CHN2: variants seen among roughly 807,000 people sequenced by gnomAD.
The protein encoded by CHN2 is beta-chimaerin.
CHN2 carries 35 observed loss-of-function variants against 56.3 expected under a neutral mutation model. The ratio of observed to expected loss-of-function variants is 0.62; its 90% CI spans 0.47 to 0.82. The LOEUF (loss-of-function observed/expected upper bound fraction) is 0.82, where lower values mean the gene tolerates loss of function less well. Ranked by LOEUF, CHN2 falls within the 40% of genes least tolerant of loss-of-function variation. The pLI is 0.00. For synonymous variants in CHN2, 210 were observed against 212.8 expected (o/e 0.99, Z 0.12); for missense variants, 491 against 580.5 (o/e 0.85, Z 1.58).
intron 4 of CHN2, chr7:29,398,106 T>G: frequency 3.4e-6 from 1 of 293,712 alleles, no homozygotes; most frequent in East Asian, 5.9e-5. Context: ...TGTTTCAACT[T>G]TCATTTTCAA....
intron 1 of CHN2, among the ~76,000 whole-genome samples, chr7:29,213,579 G>A (rs766178807): frequency 2.0e-5 from 3 of 152,160 alleles, no homozygotes; most frequent in Admixed American, 6.6e-5. Context: ...TTTGTGTGAT[G>A]AAGGCATATT....
At chr7:29,153,590 CAG>C (rs1371818840) in intron 2 of CHN2, among the ~76,000 whole-genome samples, 1 of 152,080 alleles carries the variant, frequency 6.6e-6, no homozygotes, top group Non-Finnish European at 1.5e-5. Context: ...TTCTTTTAGA[CAG>C]AGTCTCACTC....
intron 6 of CHN2, among the ~76,000 whole-genome samples, chr7:29,412,089 C>G (rs1803269877): frequency 6.6e-6 from 1 of 152,138 alleles, no homozygotes; most frequent in African/African-American, 2.4e-5. Flanking sequence ...ATAATCCACA[C>G]TACCCTTCTT....
chr7:29,321,496 G>A (rs545541685), intron 1 of CHN2, among the ~76,000 whole-genome samples: 30 of 152,160 alleles, frequency 2.0e-4, no homozygotes, highest in Non-Finnish European at 3.7e-4. Flanking sequence ...TAGTAGAGCT[G>A]GGATTTGAAC....
At chr7:29,467,152 T>C (rs1235174666) in intron 6 of CHN2, among the ~76,000 whole-genome samples, 1 of 152,234 alleles carries the variant, frequency 6.6e-6, no homozygotes, top group East Asian at 1.9e-4. Flanking sequence ...GCACAATATA[T>C]TCCATTTTTC....
At chr7:29,312,991 A>T (rs1277857347) in intron 1 of CHN2, among the ~76,000 whole-genome samples, 1 of 152,112 alleles carries the variant, frequency 6.6e-6, no homozygotes, top group South Asian at 2.1e-4. Context: ...AAGCCTCTGC[A>T]TTTATCAGTA....
chr7:29,319,592 G>A (rs1795197012), intron 1 of CHN2, among the ~76,000 whole-genome samples: 1 of 152,176 alleles, frequency 6.6e-6, no homozygotes, highest in Admixed American at 6.5e-5. Flanking sequence ...TTTGATATAA[G>A]GTCAAAGGGT....
rs568131060 is a variant in CHN2 at position 29,175,533 on chromosome 7, C to G, written c.274+28573C>G. On this transcript the variant is annotated intron_variant, in intron 2 of 6. Coordinates refer to the CHN2 transcript ENST00000439384. ...TTCACTTGGCTCTCATACTCTCTTG[C>G]CTGCCGCCATGTAAGACATTCCTTG... Among the ~76,000 whole-genome samples the G allele has an allele frequency of 1.2e-4, 18 of 152,182 alleles. No homozygotes were observed. In the South Asian group the frequency reaches 3.1e-3, roughly 26 times the overall value.
intron 1 of CHN2, among the ~76,000 whole-genome samples, chr7:29,241,097 G>T (rs1443254918): frequency 6.6e-6 from 1 of 152,066 alleles, no homozygotes. Flanking sequence ...TGTTGGCCAG[G>T]CTGATCTTGA....
intron 6 of CHN2, among the ~76,000 whole-genome samples, chr7:29,470,681 T>A (rs773069086): frequency 3.9e-5 from 6 of 152,236 alleles, no homozygotes; most frequent in Non-Finnish European, 7.3e-5. Flanking sequence ...TGCCATAATT[T>A]GGACAAGAAA....
At chr7:29,340,676 A>G (rs1407661008) in intron 1 of CHN2, among the ~76,000 whole-genome samples, 2 of 152,192 alleles carry the variant, frequency 1.3e-5, no homozygotes, top group Non-Finnish European at 2.9e-5. Context: ...CCCCAGGGAG[A>G]AAATATAGGA....
At chr7:29,230,530 G>A (rs1310636643) in intron 1 of CHN2, among the ~76,000 whole-genome samples, 4 of 152,086 alleles carry the variant, frequency 2.6e-5, no homozygotes, top group Admixed American at 2.0e-4. Context: ...TAGTAGAGAC[G>A]GAGTTTCACC....
At chr7:29,403,814 C>A (rs1802420958) in intron 6 of CHN2, among the ~76,000 whole-genome samples, 1 of 152,230 alleles carries the variant, frequency 6.6e-6, no homozygotes, top group African/African-American at 2.4e-5. Flanking sequence ...AGTGTCATTT[C>A]TTCTATGAAA....
At chr7:29,310,869 T>C (rs1794547696) in intron 1 of CHN2, among the ~76,000 whole-genome samples, 1 of 152,144 alleles carries the variant, frequency 6.6e-6, no homozygotes. Flanking sequence ...CACCATCACA[T>C]TGGAGGTTAG....
intron 1 of CHN2, among the ~76,000 whole-genome samples, chr7:29,300,273 T>G (rs1793556431): frequency 6.6e-6 from 1 of 152,122 alleles, no homozygotes; most frequent in South Asian, 2.1e-4. Context: ...AATGAGGTGT[T>G]GAAGCCTTCA....
chr7:29,429,365 A>G (rs1805188540), intron 6 of CHN2, among the ~76,000 whole-genome samples: 1 of 152,254 alleles, frequency 6.6e-6, no homozygotes, highest in South Asian at 2.1e-4. Context: ...GAAATAGTCT[A>G]TAAACATTTC....
At chr7:29,164,954 A>G (rs1224502771) in intron 2 of CHN2, among the ~76,000 whole-genome samples, 2 of 152,166 alleles carry the variant, frequency 1.3e-5, no homozygotes, top group Non-Finnish European at 2.9e-5. Flanking sequence ...CCATAGCTCC[A>G]TGATAAACCC....
chr7:29,240,359 A>T (rs1041442915), intron 1 of CHN2, among the ~76,000 whole-genome samples: 2 of 152,022 alleles, frequency 1.3e-5, no homozygotes, highest in Admixed American at 1.3e-4. Context: ...ATGAGTATTG[A>T]CTCCATCTCT....
intron 11 of CHN2, among the ~76,000 whole-genome samples, chr7:29,508,735 T>C (rs1790916282): frequency 6.6e-6 from 1 of 152,196 alleles, no homozygotes; most frequent in African/African-American, 2.4e-5. Context: ...TGTTAATGTG[T>C]CCAGTCTCCA....
Sources: gnomAD v4.1 joint callset for allele counts (sites outside exome capture counted in the v4.1 genomes callset) on GRCh38, gnomAD v4.1.1 for gene constraint, MANE v1.5 for transcripts, NCBI Gene and HGNC (gene_info 2026-07-23, HGNC 2026-07-21) for gene names.